The following ADAR variants were observed in gnomAD, a reference collection of about 807,000 sequenced individuals.
ADAR encodes double-stranded RNA-specific adenosine deaminase.
A neutral mutation model predicts 113.2 loss-of-function variants in ADAR; 41 were observed. The observed-to-expected ratio is 0.36, with a 90% CI of 0.28 to 0.47. The LOEUF is 0.47. Among genes scored for constraint, ADAR ranks in the 20% least tolerant of loss-of-function variants. The probability of loss-of-function intolerance (pLI) is 1.00; values close to 1 mark genes in which losing one functional copy is unlikely to be tolerated. For synonymous variants in ADAR, 605 were observed against 572.6 expected (o/e 1.06, Z -0.81); for missense variants, 1,242 against 1,540.9 (o/e 0.81, Z 3.25).
At chr1:154,585,640 G>C in intron 13 of ADAR, 113 bp downstream of exon 13, 2 of 1,011,480 alleles carry the variant, frequency 2.0e-6, no homozygotes, top group South Asian at 2.7e-5. Flanking sequence ...TTCCCTTGTG[G>C]GCTACCACTG....
intron 1 of ADAR, among the ~76,000 whole-genome samples, chr1:154,615,463 GCAGTGGTA>G (rs1698608654): frequency 6.6e-6 from 1 of 152,220 alleles, no homozygotes; most frequent in Non-Finnish European, 1.5e-5. Context: ...AGGCCAGAGT[GCAGTGGTA>G]CAGTCATGTC....
At chr1:154,589,703 A>G (rs1380289254) in intron 8 of ADAR, 54 bp downstream of exon 8, 4 of 1,607,038 alleles carry the variant, frequency 2.5e-6, no homozygotes, top group Non-Finnish European at 3.4e-6. Context: ...GGAGGATGAG[A>G]GGCACCCGCT....
chr1:154,582,201 C>T lies in ADAR; in HGVS notation c.*2605G>A, dbSNP rs1460468058. ...AGTACCCGAGTCTATGCTTGGGGGT[C>T]TTCCTCACTCTGCTCTTGGAGTCAC... On this transcript the variant is annotated 3_prime_UTR_variant, in exon 15 of 15. Coordinates refer to ENST00000368474, the MANE Select transcript of ADAR (RefSeq NM_001111.5). 1.3e-5 allele frequency: 2 copies of T among 152,458 alleles called. No homozygotes were observed. The highest frequency in any genetic ancestry group is 2.9e-5 in the Non-Finnish European group (2 of 68,018). The allele number at this position is 152,458 out of a possible 1,614,324, so 9.4% of individuals were successfully genotyped here. A position where few individuals can be genotyped will look rare whatever the true frequency, so the allele number is the denominator to read the frequency against.
At chr1:154,618,921 C>T (rs551430646) in intron 1 of ADAR, among the ~76,000 whole-genome samples, 76 of 152,268 alleles carry the variant, frequency 5.0e-4, no homozygotes, top group South Asian at 1.5e-3. Context: ...ACCAGCCTGG[C>T]CAACATGGCG....
chr1:154,608,258 T>C, upstream of ADAR: 2 of 506,250 alleles, frequency 4.0e-6, no homozygotes, highest in South Asian at 2.7e-5. Flanking sequence ...CTTGAGCAAA[T>C]CTTGCGCCAC....
intron 1 of ADAR, among the ~76,000 whole-genome samples, chr1:154,614,645 C>T (rs144992305): frequency 6.6e-6 from 1 of 152,232 alleles, no homozygotes; most frequent in Admixed American, 6.5e-5. Context: ...CTTGGATAAC[C>T]AATTTACGAA....
intron 1 of ADAR, among the ~76,000 whole-genome samples, chr1:154,615,006 A>C (rs1177831003): frequency 4.6e-5 from 7 of 152,264 alleles, no homozygotes; most frequent in Non-Finnish European, 1.0e-4. Context: ...TGATTCGAAG[A>C]TGCTAGCCTT....
intron 1 of ADAR, 76 bp from the exon 2 acceptor site, chr1:154,602,702 T>C (rs1697968472): frequency 6.4e-7 from 1 of 1,570,760 alleles, no homozygotes; most frequent in Non-Finnish European, 8.7e-7. Flanking sequence ...CTCCCTTTGC[T>C]GCCTGTGGAA....
intron 1 of ADAR, among the ~76,000 whole-genome samples, chr1:154,623,411 G>A (rs1220453297): frequency 6.6e-6 from 1 of 152,162 alleles, no homozygotes; most frequent in Non-Finnish European, 1.5e-5. Context: ...GGCTCTAGAA[G>A]GACCCCAAAG....
rs764381126 is a variant in ADAR, at chr1:154,585,306, G to A, written c.3354C>T (p.Ser1118=). 9.3e-6 allele frequency: 15 copies of A among 1,613,972 alleles called. No individual in the cohort carries two copies. Among genetic ancestry groups the A allele is most frequent in the African/African-American group, 2.7e-5 (2 of 74,880 alleles). The change falls in exon 14 of 15, where the codon TCC becomes TCT. Residue 1118 remains serine (S), a synonymous_variant. Coordinates refer to ENST00000368474, the MANE Select transcript of ADAR (RefSeq NM_001111.5). ...TGACGCTTGTCTCCTTAGTCTTCCC[G>A]GATTGCCTTTTGGAATCATATATGC... The part of the protein sequence containing the change: ...RVSIYDSKRQ[S]GKTKETSVNW...
Position 154,589,442 on chromosome 1 carries a change from C to G in ADAR, c.2689G>C (p.Asp897His). ...LGTGNRCVKGDSLSLKGETVN... is the reference protein window; with the variant it reads ...LGTGNRCVKGHSLSLKGETVN... ...GTTTCTCCTTTTAGGCTGAGAGAATCTCCTTTCACACAGCGATTCCCTAGG... is the reference window on the plus strand; with the variant it reads ...GTTTCTCCTTTTAGGCTGAGAGAATGTCCTTTCACACAGCGATTCCCTAGG... Residue 897 changes from aspartate to histidine, a missense_variant, in exon 9 of 15, where the codon GAT (aspartate) becomes CAT (histidine). Coordinates refer to ENST00000368474, the MANE Select transcript of ADAR (RefSeq NM_001111.5). 4 of 1,613,812 alleles carry G rather than the reference C, an allele frequency of 2.5e-6. No individual in the cohort carries two copies. The highest frequency in any genetic ancestry group is 3.4e-6 in the Non-Finnish European group (4 of 1,179,714).
intron 1 of ADAR, among the ~76,000 whole-genome samples, chr1:154,622,214 A>G (rs9426830): frequency 0.42 from 63,066 of 151,876 alleles, 14,017 homozygotes; most frequent in East Asian, 0.53. Context: ...TTGGGTGAAG[A>G]CCAAACAAAG....
intron 6 of ADAR, among the ~76,000 whole-genome samples, chr1:154,596,441 A>T (rs1201733157): frequency 6.6e-6 from 1 of 152,030 alleles, no homozygotes; most frequent in Admixed American, 6.5e-5. Flanking sequence ...GGGTTTCCTC[A>T]TATGGTCCGG....
intron 1 of ADAR, among the ~76,000 whole-genome samples, chr1:154,620,400 C>T (rs1268263655): frequency 1.4e-5 from 2 of 147,872 alleles, no homozygotes; most frequent in Non-Finnish European, 1.5e-5. Flanking sequence ...AGCAAGGCTC[C>T]GTCTCAAAAA....
At chr1:154,587,364 T>A (rs140497521) in intron 11 of ADAR, among the ~76,000 whole-genome samples, 1 of 152,314 alleles carries the variant, frequency 6.6e-6, no homozygotes, top group African/African-American at 2.4e-5. Context: ...AATTTATGGA[T>A]ATATTTGATG....
In ADAR at chr1:154,588,147, C is replaced by G; in HGVS notation, c.2997G>C (p.Lys999Asn). The G allele has an allele frequency of 6.2e-7, 1 of 1,614,002 alleles. No individual in the cohort carries two copies. ...CACCGTTCTCCACCTTGGTGCGGAGCTTTCCTTGTTTGGGATTCTCGAAGA... is the reference window on the plus strand; with the variant it reads ...CACCGTTCTCCACCTTGGTGCGGAGGTTTCCTTGTTTGGGATTCTCGAAGA... The part of the protein sequence containing the change: ...YPVFENPKQG[K>N]LRTKVENGEG... Residue 999 changes from lysine to asparagine, a missense_variant, in exon 11 of 15, where the codon AAG (lysine) becomes AAC (asparagine). This residue lies in a region of ADAR where 780 missense variants were observed against 1,057.9 expected (regional missense o/e 0.74). Transcript: ENST00000368474.
In ADAR at chr1:154,597,935, G is replaced by C. The variant is rs755344622; in HGVS notation, c.1827C>G (p.Phe609Leu). The C allele has an allele frequency of 1.2e-6, 2 of 1,614,108 alleles. No homozygotes were observed. Among genetic ancestry groups the C allele is most frequent in the East Asian group, 2.2e-5 (1 of 44,846 alleles). ...SQTPTPSATS[F>L]FSGKSPVTTL... ...TGGTGACGGGGCTCTTCCCAGAAAA[G>C]AAGGATGTGGCTGAAGGGGTGGGGG... is the stretch of plus-strand genomic sequence containing the variant. The change falls in exon 4 of 15, where the codon TTC becomes TTG. Residue 609 changes from phenylalanine to leucine, a missense_variant. Physicochemically the swap from Phe to Leu is conservative, Grantham distance 22. Around this residue, in one of 2 missense-constraint regions of ADAR, gnomAD observed 780 missense variants for 1,057.9 expected, o/e 0.74. Transcript: ENST00000368474.
Position 154,584,459 on chromosome 1 carries a change from A to T in ADAR, c.*347T>A. 1 of 285,442 alleles carries T rather than the reference A, an allele frequency of 3.5e-6. No individual in the cohort carries two copies. The highest frequency in any genetic ancestry group is 6.6e-6 in the Non-Finnish European group (1 of 150,408). The allele number at this position is 285,442 out of a possible 1,614,324, so 17.7% of individuals were successfully genotyped here. ...AGACCGCAAGAGGTCAGTGTAGCAA[A>T]CACAAAGGGAAAGGAAATGGAAACA... On this transcript the variant is annotated 3_prime_UTR_variant, in exon 15 of 15. Coordinates refer to ENST00000368474, the MANE Select transcript of ADAR (RefSeq NM_001111.5).
intron 6 of ADAR, 119 bp downstream of exon 6, chr1:154,596,686 C>A: frequency 8.6e-7 from 1 of 1,163,470 alleles, no homozygotes; most frequent in Non-Finnish European, 1.3e-6. Context: ...CAGGGCTGGA[C>A]TTGTTTCCCT....
Sources: allele counts gnomAD v4.1 joint callset (sites outside exome capture counted in the v4.1 genomes callset), GRCh38; gene constraint gnomAD v4.1.1; regional missense constraint gnomAD v4.1.1; transcripts MANE v1.5; gene names NCBI Gene and HGNC (gene_info 2026-07-23, HGNC 2026-07-21).